Variants in RBFOX1 observed in about 807,000 individuals in gnomAD.
RBFOX1 encodes the protein RNA binding protein fox-1 homolog 1.
Under a neutral mutation model 57.7 loss-of-function variants are expected in RBFOX1, and 8 were observed. That is an observed-to-expected ratio of 0.14 (90% CI 0.08 to 0.25). The LOEUF (loss-of-function observed/expected upper bound fraction) is 0.25, where lower values mean the gene tolerates loss of function less well. RBFOX1 is among the 10% of genes least tolerant of loss of function. The pLI is 1.00. For missense variants in RBFOX1, 611 were observed against 548.5 expected (o/e 1.11, Z -1.14); for synonymous variants, 326 against 222.4 (o/e 1.47, Z -4.15).
chr16:5,951,983 G>C (rs559746567), intron 4 of RBFOX1, among the ~76,000 whole-genome samples: 1 of 150,182 alleles, frequency 6.7e-6, no homozygotes, highest in African/African-American at 2.5e-5. Flanking sequence ...TGGGGGCCTC[G>C]CATATATATA....
chr16:6,382,790 G>A (rs529602998), intron 2 of RBFOX1, among the ~76,000 whole-genome samples: 1 of 152,284 alleles, frequency 6.6e-6, no homozygotes, highest in South Asian at 2.1e-4. Context: ...AACTCAGGAG[G>A]TGGAGGTTGC....
chr16:6,183,294 CAA>C (rs2097079565), intron 1 of RBFOX1, among the ~76,000 whole-genome samples: 1 of 151,782 alleles, frequency 6.6e-6, no homozygotes, highest in Non-Finnish European at 1.5e-5. Flanking sequence ...TCCTGGGTAA[CAA>C]GGTGAAACCC....
chr16:6,338,086 G>T (rs2084018173), intron 2 of RBFOX1, among the ~76,000 whole-genome samples: 1 of 152,202 alleles, frequency 6.6e-6, no homozygotes, highest in African/African-American at 2.4e-5. Flanking sequence ...TCTGCAATAT[G>T]TGAAATACGT....
intron 3 of RBFOX1, among the ~76,000 whole-genome samples, chr16:6,926,317 CA>C (rs2075578986): frequency 6.6e-6 from 1 of 151,846 alleles, no homozygotes; most frequent in African/African-American, 2.4e-5. Flanking sequence ...AAAGAAAAAA[CA>C]AAAACAAAAA....
intron 3 of RBFOX1, among the ~76,000 whole-genome samples, chr16:6,979,385 T>C (rs1420136107): frequency 7.3e-5 from 4 of 54,518 alleles, no homozygotes; most frequent in Non-Finnish European, 3.4e-5. Flanking sequence ...CTGAGCACTT[T>C]CCATTGTGCG....
chr16:5,756,913 A>T lies in RBFOX1; in HGVS notation c.319-110390A>T, dbSNP rs568236457. On this transcript the variant is annotated intron_variant, in intron 3 of 19. Transcript: ENST00000641259. ...TGTATAAAAAATATAAGGGTTCTACAAGATGATGTAAAGGATAAAGCCCTT... is the reference window on the plus strand; with the variant it reads ...TGTATAAAAAATATAAGGGTTCTACTAGATGATGTAAAGGATAAAGCCCTT... Among the ~76,000 whole-genome samples, 217 of 152,358 alleles carry T rather than the reference A, an allele frequency of 1.4e-3. 1 individual carries two copies. The highest frequency in any genetic ancestry group is 5.1e-3 in the African/African-American group (214 of 41,586).
At chr16:5,885,485 G>A (rs953049378) in intron 4 of RBFOX1, among the ~76,000 whole-genome samples, 3 of 152,122 alleles carry the variant, frequency 2.0e-5, no homozygotes, top group Non-Finnish European at 4.4e-5. Context: ...TGCAACCTGT[G>A]CTTAGGGAAT....
chr16:6,195,804 C>G (rs768658811), intron 1 of RBFOX1, among the ~76,000 whole-genome samples: 1 of 151,848 alleles, frequency 6.6e-6, no homozygotes, highest in Non-Finnish European at 1.5e-5. Flanking sequence ...CCAAAATATG[C>G]TTACTTTGAG....
At chr16:7,023,502 G>A (rs950713457) in intron 3 of RBFOX1, among the ~76,000 whole-genome samples, 1 of 145,358 alleles carries the variant, frequency 6.9e-6, no homozygotes, top group Non-Finnish European at 1.5e-5. Context: ...TGAGTTGGGT[G>A]GAGCACTTGA....
intron 4 of RBFOX1, among the ~76,000 whole-genome samples, chr16:7,303,968 G>A (rs1228902447): frequency 6.6e-6 from 1 of 151,972 alleles, no homozygotes; most frequent in Non-Finnish European, 1.5e-5. Flanking sequence ...CCTTCACAGG[G>A]GTATGGGGTG....
chr16:5,951,999 G>T (rs1226782046), intron 4 of RBFOX1, among the ~76,000 whole-genome samples: 1 of 150,742 alleles, frequency 6.6e-6, no homozygotes, highest in African/African-American at 2.4e-5. Context: ...ATATATATGT[G>T]TGTGTGTATA....
chr16:7,253,268 A>T (rs1419757166), intron 4 of RBFOX1, among the ~76,000 whole-genome samples: 1 of 152,182 alleles, frequency 6.6e-6, no homozygotes, highest in African/African-American at 2.4e-5. Flanking sequence ...CAAATCAACA[A>T]ATCATTCTGT....
At chr16:6,001,889 T>A (rs1158182202) in intron 4 of RBFOX1, among the ~76,000 whole-genome samples, 1 of 151,810 alleles carries the variant, frequency 6.6e-6, no homozygotes, top group Non-Finnish European at 1.5e-5. Context: ...TCCCTCTTCT[T>A]CCCCTATTCT....
At chr16:5,787,194 A>C (rs1286716414) in intron 3 of RBFOX1, among the ~76,000 whole-genome samples, 1 of 152,142 alleles carries the variant, frequency 6.6e-6, no homozygotes, top group Non-Finnish European at 1.5e-5. Flanking sequence ...AAGACTTTGT[A>C]ATGACTCCAC....
intron 4 of RBFOX1, among the ~76,000 whole-genome samples, chr16:7,403,667 C>T (rs973079570): frequency 3.3e-5 from 5 of 151,272 alleles, no homozygotes; most frequent in Admixed American, 3.3e-4. Context: ...CTGCCTCAGC[C>T]TCCTGAATAG....
intron 4 of RBFOX1, among the ~76,000 whole-genome samples, chr16:7,432,614 G>C (rs563959821): frequency 3.9e-5 from 6 of 152,352 alleles, no homozygotes; most frequent in African/African-American, 1.2e-4. Context: ...CCATTTTAGT[G>C]TGAAAGCAGT....
intron 13 of RBFOX1, among the ~76,000 whole-genome samples, chr16:7,671,887 T>C (rs1010056967): frequency 6.6e-6 from 1 of 152,264 alleles, no homozygotes; most frequent in Admixed American, 6.5e-5. Flanking sequence ...TGTTAGATCC[T>C]GAGTGTGTCA....
chr16:7,237,484 A>G (rs958999025), intron 4 of RBFOX1, among the ~76,000 whole-genome samples: 3 of 152,382 alleles, frequency 2.0e-5, no homozygotes, highest in African/African-American at 7.2e-5. Flanking sequence ...TATGTAACAC[A>G]TATCTACATA....
At chr16:6,826,484 G>C (rs1233175680) in intron 3 of RBFOX1, among the ~76,000 whole-genome samples, 2 of 152,124 alleles carry the variant, frequency 1.3e-5, no homozygotes, top group Non-Finnish European at 1.5e-5. Flanking sequence ...AAATAACCTA[G>C]AACAGTGCCT....
Sources: allele counts gnomAD v4.1 joint callset (sites outside exome capture counted in the v4.1 genomes callset), GRCh38; gene constraint gnomAD v4.1.1; transcripts MANE v1.5; gene names NCBI Gene and HGNC (gene_info 2026-07-23, HGNC 2026-07-21).